Variants in MBNL2 observed in about 807,000 individuals in gnomAD.
MBNL2 encodes muscleblind-like protein 2.
MBNL2 carries 17 observed loss-of-function variants against 41.9 expected under a neutral mutation model. The observed-to-expected ratio is 0.41, with a 90% CI of 0.28 to 0.61. The LOEUF (loss-of-function observed/expected upper bound fraction) is 0.61, where lower values mean the gene tolerates loss of function less well. Ranked by LOEUF, MBNL2 falls within the 20% of genes least tolerant of loss-of-function variation. The probability of loss-of-function intolerance (pLI) is 0.35; values close to 1 mark genes in which losing one functional copy is unlikely to be tolerated. For missense variants in MBNL2, 336 were observed against 505.6 expected (o/e 0.66, Z 3.22); for synonymous variants, 195 against 182.9 (o/e 1.07, Z -0.53).
chr13:97,233,805 C>A (rs553055350), intron 1 of MBNL2, among the ~76,000 whole-genome samples: 1 of 152,186 alleles, frequency 6.6e-6, no homozygotes, highest in Admixed American at 6.5e-5. Context: ...ACTTACTTCC[C>A]ACAATGCGTG....
At chr13:97,333,863 C>T (rs2060628807) in intron 2 of MBNL2, among the ~76,000 whole-genome samples, 1 of 151,702 alleles carries the variant, frequency 6.6e-6, no homozygotes, top group African/African-American at 2.4e-5. Context: ...AAGGACCTTT[C>T]CTTTCTCTCA....
chr13:97,285,143 TAAAAAA>T (rs1160996595), intron 2 of MBNL2, among the ~76,000 whole-genome samples: 1 of 152,190 alleles, frequency 6.6e-6, no homozygotes, highest in African/African-American at 2.4e-5. Context: ...TTTAGGATTT[TAAAAAA>T]TGACACAATA....
intron 1 of MBNL2, among the ~76,000 whole-genome samples, chr13:97,242,940 G>C (rs1256194828): frequency 6.6e-6 from 1 of 152,168 alleles, no homozygotes; most frequent in Non-Finnish European, 1.5e-5. Context: ...ACTGAGCAGG[G>C]CTCCGCACGC....
chr13:97,246,155 A>G (rs563269843), intron 1 of MBNL2, among the ~76,000 whole-genome samples: 16 of 152,328 alleles, frequency 1.1e-4, no homozygotes, highest in African/African-American at 3.6e-4. Context: ...ATTTGAATGC[A>G]TACCACTTGT....
intron 2 of MBNL2, among the ~76,000 whole-genome samples, chr13:97,327,110 C>G (rs529340959): frequency 1.3e-5 from 2 of 152,336 alleles, no homozygotes; most frequent in Non-Finnish European, 2.9e-5. Flanking sequence ...TAGTAAATAA[C>G]TGCTGAACAA....
At chr13:97,169,402 AG>A in the MBNL2 span, among the ~76,000 whole-genome samples, 1 of 152,332 alleles carries the variant, frequency 6.6e-6, no homozygotes, top group African/African-American at 2.4e-5. Flanking sequence ...GGTGACAAGA[AG>A]GGCTTGAAAA....
rs57849294 is a variant in MBNL2 at position 97,268,073 on chromosome 13, T to TTTCCTTCCTTCCTTCCTTCCTTCCTTCC, written c.-604-7556_-604-7529dup. ...CCTAAGAGTGTGCTTTTCTTTTTTC[T>TTTCCTTCCTTCCTTCCTTCCTTCCTTCC]TTCCTTCCTTCCTTCCTTCCTTCCT... On this transcript the variant is annotated intron_variant, in intron 1 of 8. Coordinates refer to ENST00000679496, the MANE Select transcript of MBNL2 (RefSeq NM_001382683.1). The surrounding 1 kb of genome is among the most constrained non-coding windows in gnomAD (Gnocchi z 4.6). Among the ~76,000 whole-genome samples, 9 of 147,838 alleles carry TTTCCTTCCTTCCTTCCTTCCTTCCTTCC rather than the reference T, an allele frequency of 6.1e-5. No homozygotes were observed. The highest frequency in any genetic ancestry group is 2.3e-4 in the African/African-American group (9 of 39,482).
chr13:97,148,805 A>G, the MBNL2 span, among the ~76,000 whole-genome samples: 3 of 152,232 alleles, frequency 2.0e-5, no homozygotes, highest in African/African-American at 7.2e-5. Context: ...CCAAAATGAA[A>G]TTCCGTAGTA....
At chr13:97,153,007 G>A in the MBNL2 span, among the ~76,000 whole-genome samples, 3 of 152,030 alleles carry the variant, frequency 2.0e-5, no homozygotes, top group Non-Finnish European at 2.9e-5. Flanking sequence ...AGAATAAATA[G>A]CAGACCTAAT....
intron 8 of MBNL2, among the ~76,000 whole-genome samples, chr13:97,387,897 G>C (rs868091029): frequency 6.6e-6 from 1 of 152,248 alleles, no homozygotes. Flanking sequence ...ACTGGCAGGA[G>C]ACCCCCAATG....
chr13:97,304,876 G>A lies in MBNL2; in HGVS notation c.174+28467G>A, dbSNP rs369621411. 4.3e-4 allele frequency among the ~76,000 whole-genome samples: 66 copies of A among 152,302 alleles called. No homozygotes were observed. In the South Asian group the frequency reaches 8.3e-3, roughly 19 times the overall value. On this transcript the variant is annotated intron_variant, in intron 2 of 8. Coordinates refer to ENST00000679496, the MANE Select transcript of MBNL2 (RefSeq NM_001382683.1). The stretch of plus-strand genomic sequence containing the variant: ...TGTTACTTCCACAACAGTCCCTGAG[G>A]GGAGAAAGTTGGAGGGATACCAGCT...
At chr13:97,151,062 A>G in the MBNL2 span, among the ~76,000 whole-genome samples, 1 of 152,226 alleles carries the variant, frequency 6.6e-6, no homozygotes. Flanking sequence ...GAAACCCTCA[A>G]CAAAGAGGAG....
At position 97,334,372 on chromosome 13, in the gene MBNL2, A is replaced by C; in HGVS notation, c.271A>C (p.Lys91Gln). The C allele has an allele frequency of 6.2e-7, 1 of 1,613,926 alleles. No individual in the cohort carries two copies. The highest frequency in any genetic ancestry group is 1.1e-5 in the South Asian group (1 of 91,028). Residue 91 changes from lysine to glutamine, a missense_variant, in exon 3 of 9, where the codon AAA (lysine) becomes CAA (glutamine). Coordinates refer to ENST00000679496, the MANE Select transcript of MBNL2 (RefSeq NM_001382683.1). This position sits in a 1 kb window ranked among gnomAD's most constrained non-coding sequence, Gnocchi z 5.3. ...TGGAAGGAACAATTTGATTCAGCAA[A>C]AAACTGCAGCAGCAATGCTTGCCCA... ...INGRNNLIQQ[K>Q]TAAAMLAQQM...
At chr13:97,335,299 TA>T (rs1242128934) in intron 3 of MBNL2, among the ~76,000 whole-genome samples, 2 of 150,274 alleles carry the variant, frequency 1.3e-5, no homozygotes, top group African/African-American at 2.4e-5. Context: ...TTTTTTTTTT[TA>T]AAGAAAGGCA....
intron 1 of MBNL2, among the ~76,000 whole-genome samples, chr13:97,274,680 T>C (rs1199732273): frequency 2.6e-5 from 4 of 152,210 alleles, no homozygotes; most frequent in African/African-American, 9.7e-5. Flanking sequence ...TTTATGAAAA[T>C]AATCAACTTC....
chr13:97,391,178 T>C (rs2066375932), intron 8 of MBNL2, 144 bp from the exon 9 acceptor site: 3 of 596,842 alleles, frequency 5.0e-6, no homozygotes. Flanking sequence ...GCGGGTATTG[T>C]GCAAATTTAT....
chr13:97,293,663 C>T (rs1197824864), intron 2 of MBNL2, among the ~76,000 whole-genome samples: 1 of 152,154 alleles, frequency 6.6e-6, no homozygotes, highest in Non-Finnish European at 1.5e-5. Flanking sequence ...GTATTTCTAA[C>T]AATTTTTGCA....
At chr13:97,325,407 G>A (rs143082927) in intron 2 of MBNL2, among the ~76,000 whole-genome samples, 102 of 152,278 alleles carry the variant, frequency 6.7e-4, no homozygotes, top group Middle Eastern at 3.4e-3. Flanking sequence ...TGAGAAATTG[G>A]AACTGCCCAG....
chr13:97,226,085 A>G lies in MBNL2; in HGVS notation c.-605+3554A>G, dbSNP rs77483041. ...TTGCAGCCGTGATAATATTCGTAGT[A>G]AAGAGCCAAAGGTGCTGCGTGGCTG... On this transcript the variant is annotated intron_variant, in intron 1 of 8. Transcript: ENST00000679496. Among the ~76,000 whole-genome samples the G allele has an allele frequency of 4.4e-4, 67 of 152,264 alleles. No individual in the cohort carries two copies. The East Asian group carries it at 6.4e-3, about 14-fold the overall frequency.
Sources: allele counts gnomAD v4.1 joint callset (sites outside exome capture counted in the v4.1 genomes callset), GRCh38; gene constraint gnomAD v4.1.1; non-coding constraint Gnocchi (gnomAD v3.1); transcripts MANE v1.5; gene names NCBI Gene and HGNC (gene_info 2026-07-23, HGNC 2026-07-21).